LDLRAD3: variants seen among roughly 807,000 people sequenced by gnomAD.
LDLRAD3 encodes low density lipoprotein receptor class A domain containing 3.
A neutral mutation model predicts 29.4 loss-of-function variants in LDLRAD3; 20 were observed. That is an observed-to-expected ratio of 0.68 (90% CI 0.48 to 0.99). The LOEUF is 0.99. Among genes scored for constraint, LDLRAD3 ranks in the 50% least tolerant of loss-of-function variants. LDLRAD3 has a pLI of 0.00. For synonymous variants in LDLRAD3, 157 were observed against 192.7 expected, an observed-to-expected ratio of 0.81 and a Z score of 1.53; for missense variants, 420 against 454.3, an observed-to-expected ratio of 0.92 and a Z score of 0.69.
chr11:36,180,314 C>CT (rs908269513), intron 4 of LDLRAD3, among the ~76,000 whole-genome samples: 2 of 46,608 alleles, frequency 4.3e-5, no homozygotes, highest in Admixed American at 3.7e-4. Flanking sequence ...TCTTAGAACA[C>CT]CTTTCTGTTG....
chr11:36,176,200 G>A (rs537448100), intron 4 of LDLRAD3, among the ~76,000 whole-genome samples: 2 of 152,186 alleles, frequency 1.3e-5, no homozygotes, highest in East Asian at 3.9e-4. Context: ...TATGTGTTAG[G>A]TGAGTCTCTT....
chr11:35,985,972 A>G (rs1034948319), intron 1 of LDLRAD3, among the ~76,000 whole-genome samples: 1 of 149,968 alleles, frequency 6.7e-6, no homozygotes, highest in Non-Finnish European at 1.5e-5. Flanking sequence ...GTTGTGCCCA[A>G]GGAGAGGGCA....
chr11:36,089,135 A>G (rs1853239554), intron 3 of LDLRAD3, among the ~76,000 whole-genome samples: 1 of 152,188 alleles, frequency 6.6e-6, no homozygotes, highest in South Asian at 2.1e-4. Flanking sequence ...GTAATGGCAT[A>G]TTGACTTGCC....
In LDLRAD3 at chr11:36,092,703, C is replaced by T. The variant is rs369233585; in HGVS notation, c.320-5624C>T. ...TCTGCAAGGCAGTAAGTGGCATCCCCCTCCCTTTTTATTTGCTTTGTCCTT... is the reference window on the plus strand; with the variant it reads ...TCTGCAAGGCAGTAAGTGGCATCCCTCTCCCTTTTTATTTGCTTTGTCCTT... On this transcript the variant is annotated intron_variant, in intron 3 of 5. Transcript: ENST00000315571. Among the ~76,000 whole-genome samples the T allele has an allele frequency of 1.5e-4, 23 of 152,270 alleles. 1 individual carries two copies. The South Asian group carries it at 4.6e-3, about 30-fold the overall frequency.
chr11:36,019,232 G>A (rs1414654067), intron 1 of LDLRAD3, among the ~76,000 whole-genome samples: 3 of 152,150 alleles, frequency 2.0e-5, no homozygotes, highest in African/African-American at 4.8e-5. Flanking sequence ...GCTGATTATC[G>A]CGGGTGTTCA....
intron 3 of LDLRAD3, among the ~76,000 whole-genome samples, chr11:36,090,756 C>T (rs1371678859): frequency 1.3e-5 from 2 of 152,126 alleles, no homozygotes; most frequent in Non-Finnish European, 2.9e-5. Flanking sequence ...CCCAGAGTGG[C>T]GGCCCTTTCC....
In LDLRAD3 at chr11:36,099,306, C is replaced by CT. The variant is rs201000952; in HGVS notation, c.454+853dup. ...GGGTACATTTCTTTACTCATGGACT[C>CT]TTTTTTTTAGCATTTCTTCAGTGAT... On this transcript the variant is annotated intron_variant, in intron 4 of 5. Coordinates refer to ENST00000315571, the MANE Select transcript of LDLRAD3 (RefSeq NM_174902.4). 8.9e-3 allele frequency among the ~76,000 whole-genome samples: 1,334 copies of CT among 150,350 alleles called. 17 individuals are homozygous for CT. Among genetic ancestry groups the CT allele is most frequent in the African/African-American group, 0.03 (1,239 of 41,022 alleles).
chr11:36,107,960 G>A (rs2133283807), intron 4 of LDLRAD3, among the ~76,000 whole-genome samples: 1 of 152,232 alleles, frequency 6.6e-6, no homozygotes, highest in East Asian at 1.9e-4. Flanking sequence ...ATTATTTTAT[G>A]TTTTGCTGAG....
intron 1 of LDLRAD3, chr11:35,968,278 TG>T: frequency 5.1e-6 from 2 of 389,104 alleles, no homozygotes; most frequent in Non-Finnish European, 9.9e-6. Flanking sequence ...ATCTCATCCT[TG>T]GGAGGAGTGG....
At chr11:36,035,687 A>G (rs149370708) in intron 1 of LDLRAD3, among the ~76,000 whole-genome samples, 1 of 152,306 alleles carries the variant, frequency 6.6e-6, no homozygotes, top group African/African-American at 2.4e-5. Flanking sequence ...TGTAAGGGCT[A>G]CAGAGTGTGA....
intron 4 of LDLRAD3, among the ~76,000 whole-genome samples, chr11:36,169,908 G>A (rs1187880765): frequency 6.6e-6 from 1 of 152,044 alleles, no homozygotes; most frequent in South Asian, 2.1e-4. Context: ...AACAGGTGCT[G>A]TTTGGTTCCA....
intron 4 of LDLRAD3, among the ~76,000 whole-genome samples, chr11:36,164,560 A>G (rs995021176): frequency 3.3e-5 from 5 of 152,266 alleles, no homozygotes; most frequent in Non-Finnish European, 5.9e-5. Flanking sequence ...GGCAAGCAGC[A>G]GGGTCCGATA....
chr11:36,060,395 A>C (rs1044963090), intron 2 of LDLRAD3, among the ~76,000 whole-genome samples: 2 of 152,044 alleles, frequency 1.3e-5, no homozygotes, highest in Non-Finnish European at 2.9e-5. Context: ...TCACAATCAA[A>C]GATCATGTAG....
chr11:36,188,470 TG>T (rs1436791196), intron 4 of LDLRAD3, among the ~76,000 whole-genome samples: 2 of 150,432 alleles, frequency 1.3e-5, no homozygotes, highest in Admixed American at 6.6e-5. Context: ...AATTCTAAGC[TG>T]GCACTCAGGA....
chr11:35,990,413 C>T (rs576175095), intron 1 of LDLRAD3, among the ~76,000 whole-genome samples: 1 of 152,062 alleles, frequency 6.6e-6, no homozygotes, highest in Admixed American at 6.6e-5. Flanking sequence ...TAACTTCAAT[C>T]TCTGCCTCCA....
intron 2 of LDLRAD3, among the ~76,000 whole-genome samples, chr11:36,059,901 T>C (rs1482960868): frequency 2.0e-5 from 3 of 152,310 alleles, no homozygotes; most frequent in African/African-American, 7.2e-5. Flanking sequence ...CAGTTATCAA[T>C]AGACAGTGAT....
chr11:35,998,311 C>T (rs1216476574), intron 1 of LDLRAD3, among the ~76,000 whole-genome samples: 1 of 152,138 alleles, frequency 6.6e-6, no homozygotes, highest in Non-Finnish European at 1.5e-5. Context: ...ATTTTTCCTC[C>T]TCCCTCTTCT....
chr11:35,954,024 A>G (rs1851170336), intron 1 of LDLRAD3, among the ~76,000 whole-genome samples: 1 of 152,236 alleles, frequency 6.6e-6, no homozygotes, highest in Non-Finnish European at 1.5e-5. Flanking sequence ...TTAATGAAAG[A>G]TAGAACTAAT....
intron 4 of LDLRAD3, among the ~76,000 whole-genome samples, chr11:36,149,309 A>C (rs1854241469): frequency 6.6e-6 from 1 of 152,214 alleles, no homozygotes; most frequent in Admixed American, 6.5e-5. Context: ...TGTCAGATAA[A>C]ATCTACAAAA....
Sources: allele counts gnomAD v4.1 joint callset (sites outside exome capture counted in the v4.1 genomes callset), GRCh38; gene constraint gnomAD v4.1.1; transcripts MANE v1.5; gene names NCBI Gene and HGNC (gene_info 2026-07-23, HGNC 2026-07-21).